The following SERPINE2 variants were observed in gnomAD, a reference collection of about 807,000 sequenced individuals.
SERPINE2 encodes serpin family E member 2, also known as glia-derived nexin.
A neutral mutation model predicts 36.3 loss-of-function variants in SERPINE2; 14 were observed. The ratio of observed to expected loss-of-function variants is 0.39; its 90% CI spans 0.25 to 0.60. SERPINE2 has a LOEUF of 0.60. Ranked by LOEUF, SERPINE2 falls within the 20% of genes least tolerant of loss-of-function variation. The probability of loss-of-function intolerance (pLI) is 0.57; values close to 1 mark genes in which losing one functional copy is unlikely to be tolerated. For synonymous variants in SERPINE2, 192 were observed against 191.8 expected (o/e 1.00, Z -0.01); for missense variants, 418 against 499.6 (o/e 0.84, Z 1.56).
chr2:223,990,442 TA>T (rs1257050212), intron 4 of SERPINE2, among the ~76,000 whole-genome samples: 2 of 152,330 alleles, frequency 1.3e-5, no homozygotes, highest in African/African-American at 4.8e-5. Flanking sequence ...TATATTTCTG[TA>T]AAAACAAACA....
At chr2:224,025,181 C>G (rs1283594738) in intron 1 of SERPINE2, among the ~76,000 whole-genome samples, 1 of 152,208 alleles carries the variant, frequency 6.6e-6, no homozygotes, top group Admixed American at 6.5e-5. Context: ...AAGACTGGCA[C>G]GGCCAAGGGC....
intron 1 of SERPINE2, among the ~76,000 whole-genome samples, chr2:224,006,510 T>C (rs1220987956): frequency 6.6e-6 from 1 of 152,242 alleles, no homozygotes. Flanking sequence ...TTCTCTTCTT[T>C]GAATTCCTAT....
At chr2:224,005,627 T>C (rs990380043) in intron 1 of SERPINE2, among the ~76,000 whole-genome samples, 3 of 152,208 alleles carry the variant, frequency 2.0e-5, no homozygotes, top group Non-Finnish European at 4.4e-5. Flanking sequence ...TGAAGTAACT[T>C]GGAGTTCTCA....
intron 1 of SERPINE2, among the ~76,000 whole-genome samples, chr2:224,028,098 C>G (rs563030003): frequency 2.7e-4 from 41 of 152,292 alleles, no homozygotes; most frequent in African/African-American, 9.1e-4. Flanking sequence ...AAGGGCTAAC[C>G]AAGGGTGAGT....
In SERPINE2 at chr2:223,984,858, C is replaced by G. The variant is rs757630998; in HGVS notation, c.778G>C (p.Glu260Gln). 4.3e-6 allele frequency: 7 copies of G among 1,614,040 alleles called. No homozygotes were observed. In the Admixed American group the frequency reaches 5.0e-5, roughly 12 times the overall value. The change falls in exon 5 of 9, where the codon GAG becomes CAG. Residue 260 changes from glutamate (E) to glutamine (Q), a missense_variant. Transcript: ENST00000409304. ...ATGGCAGACAGCGGAGTGGAGCTCT[C>G]AGTCGGCAGTGCAATCAGCATGCTG... ...SISMLIALPT[E>Q]SSTPLSAIIP... is the part of the protein sequence containing the mutation.
At chr2:224,019,011 C>T (rs1691895789) in intron 1 of SERPINE2, among the ~76,000 whole-genome samples, 1 of 152,130 alleles carries the variant, frequency 6.6e-6, no homozygotes, top group Non-Finnish European at 1.5e-5. Flanking sequence ...AAATTCAGCA[C>T]CCTCTCTCCA....
chr2:224,038,483 A>AT lies in SERPINE2; in HGVS notation c.-23+615dup, dbSNP rs1234925674. Reference sequence around the variant, plus strand: ...CAGAATTTCTGAGTACCGTACTTTCATTTTACCTGCAGTCACTCATCCGCC... The same window carrying AT: ...CAGAATTTCTGAGTACCGTACTTTCATTTTTACCTGCAGTCACTCATCCGCC... On this transcript the variant is annotated intron_variant, in intron 1 of 8. Coordinates refer to ENST00000409304, the MANE Select transcript of SERPINE2 (RefSeq NM_001136528.2). The AT allele has an allele frequency of 4.5e-6, 7 of 1,551,216 alleles. No individual in the cohort carries two copies. In the African/African-American group the frequency reaches 6.8e-5, roughly 15 times the overall value.
chr2:224,024,653 T>C (rs962837629), intron 1 of SERPINE2, among the ~76,000 whole-genome samples: 1 of 152,190 alleles, frequency 6.6e-6, no homozygotes, highest in African/African-American at 2.4e-5. Flanking sequence ...TCCCCACCAA[T>C]GAACTTCAGA....
chr2:224,009,907 T>G (rs377215917), intron 1 of SERPINE2, among the ~76,000 whole-genome samples: 19 of 152,314 alleles, frequency 1.2e-4, no homozygotes, highest in African/African-American at 4.6e-4. Context: ...CTCTGTAAGA[T>G]GACAGTAATT....
intron 1 of SERPINE2, among the ~76,000 whole-genome samples, chr2:224,002,657 A>AT (rs1478275844): frequency 4.4e-5 from 4 of 90,240 alleles, no homozygotes; most frequent in African/African-American, 1.0e-4. Flanking sequence ...CTCGTCTGGC[A>AT]ATTTTTTTTT....
rs201689138 is a variant in SERPINE2, at chr2:223,991,938, C to A, written c.550G>T (p.Val184Phe). 6.2e-7 allele frequency: 1 copy of A among 1,613,148 alleles called. No individual in the cohort carries two copies. The highest frequency in any genetic ancestry group is 1.3e-5 in the African/African-American group (1 of 74,852). ...IDGVLTRLVL[V>F]NAVYFKGLWK... The stretch of plus-strand genomic sequence containing the variant: ...AGACCCTTGAAATACACTGCGTTGA[C>A]GAGGACCAGTCTGGTGAGCACACCA... Residue 184 changes from valine (V) to phenylalanine (F), a missense_variant, in exon 4 of 9, where the codon GTC becomes TTC. Transcript: ENST00000409304.
At chr2:224,034,496 G>A (rs1692473997) in intron 1 of SERPINE2, among the ~76,000 whole-genome samples, 1 of 152,142 alleles carries the variant, frequency 6.6e-6, no homozygotes, top group Non-Finnish European at 1.5e-5. Context: ...AGGGAGTGAA[G>A]AAAGCTTTGA....
chr2:223,993,546 G>C (rs1690759166), intron 3 of SERPINE2, among the ~76,000 whole-genome samples: 2 of 151,894 alleles, frequency 1.3e-5, no homozygotes, highest in African/African-American at 4.8e-5. Context: ...GTGTGTGTGT[G>C]TGTGTGTGTG....
intron 3 of SERPINE2, among the ~76,000 whole-genome samples, chr2:223,996,624 T>C (rs1229629772): frequency 6.6e-6 from 1 of 152,224 alleles, no homozygotes; most frequent in Admixed American, 6.5e-5. Context: ...TGCAGTGGGC[T>C]GGGCTCCAGG....
chr2:223,993,900 C>T (rs950036770), intron 3 of SERPINE2, among the ~76,000 whole-genome samples: 22 of 152,212 alleles, frequency 1.4e-4, no homozygotes, highest in Non-Finnish European at 5.9e-5. Flanking sequence ...ACAAAGCTGG[C>T]TGCAAACAGA....
chr2:224,031,094 T>C, intron 1 of SERPINE2: 1 of 985,404 alleles, frequency 1.0e-6, no homozygotes, highest in Non-Finnish European at 1.2e-6. Context: ...AAATTTCTTC[T>C]CAAGAAGGTA....
Position 223,988,942 on chromosome 2 carries a change from C to T in SERPINE2, c.685+2861G>A, listed in dbSNP as rs76963117. Among the ~76,000 whole-genome samples the T allele has an allele frequency of 4.2e-3, 641 of 152,224 alleles. 2 individuals carry two copies. Among genetic ancestry groups the T allele is most frequent in the African/African-American group, 0.015 (609 of 41,530 alleles). On this transcript the variant is annotated intron_variant, in intron 4 of 8. Transcript: ENST00000409304. ...ATAGAACAGAAACTACAGTACAATCCTATGTATGTAAAAAGTTTCATAGAC... is the reference window on the plus strand; with the variant it reads ...ATAGAACAGAAACTACAGTACAATCTTATGTATGTAAAAAGTTTCATAGAC...
chr2:224,024,278 A>T (rs1000834626), intron 1 of SERPINE2, among the ~76,000 whole-genome samples: 4 of 152,198 alleles, frequency 2.6e-5, no homozygotes, highest in Admixed American at 1.3e-4. Context: ...AAATTTTGTA[A>T]AAAGGTGATC....
intron 1 of SERPINE2, among the ~76,000 whole-genome samples, chr2:224,010,168 C>T (rs1691573936): frequency 6.6e-6 from 1 of 152,184 alleles, no homozygotes. Flanking sequence ...GAAATGCCAA[C>T]TTATCAAGGG....
Sources: gnomAD v4.1 joint callset for allele counts (sites outside exome capture counted in the v4.1 genomes callset) on GRCh38, gnomAD v4.1.1 for gene constraint, MANE v1.5 for transcripts, NCBI Gene and HGNC (gene_info 2026-07-23, HGNC 2026-07-21) for gene names.